Variants in AKAP6 observed in about 807,000 individuals in gnomAD.
AKAP6 encodes the protein A-kinase anchor protein 6.
A neutral mutation model predicts 188.5 loss-of-function variants in AKAP6; 58 were observed. That is an observed-to-expected ratio of 0.31 (90% confidence interval 0.25 to 0.38). AKAP6 has a LOEUF of 0.38. Among genes scored for constraint, AKAP6 ranks in the 10% least tolerant of loss-of-function variants. The pLI, the probability that AKAP6 is intolerant of heterozygous loss-of-function variation, is 1.00. For missense variants in AKAP6, 2,710 were observed against 2,740.0 expected, an observed-to-expected ratio of 0.99 and a Z score of 0.24; for synonymous variants, 989 against 998.6, an observed-to-expected ratio of 0.99 and a Z score of 0.18.
intron 2 of AKAP6, among the ~76,000 whole-genome samples, chr14:32,516,130 A>G (rs1282884899): frequency 2.6e-5 from 4 of 152,182 alleles, no homozygotes; most frequent in Admixed American, 6.5e-5. Context: ...TTGGTATATC[A>G]TTGATGACTA....
intron 12 of AKAP6, among the ~76,000 whole-genome samples, chr14:32,789,810 C>T (rs1169121390): frequency 1.3e-5 from 2 of 152,170 alleles, no homozygotes; most frequent in African/African-American, 4.8e-5. Context: ...GCCAGAGTGC[C>T]TCTTCTCCAT....
intron 2 of AKAP6, among the ~76,000 whole-genome samples, chr14:32,467,008 A>G (rs1407262329): frequency 2.0e-5 from 3 of 151,262 alleles, no homozygotes; most frequent in African/African-American, 7.3e-5. Context: ...AAGAGTATAC[A>G]TGGACACAGA....
chr14:32,644,137 T>C (rs1393412198), intron 7 of AKAP6, among the ~76,000 whole-genome samples: 1 of 152,160 alleles, frequency 6.6e-6, no homozygotes, highest in Admixed American at 6.5e-5. Context: ...TGATGTTAAA[T>C]GGTCTGATTT....
intron 8 of AKAP6, among the ~76,000 whole-genome samples, chr14:32,685,242 AGACAGACT>A (rs2139661172): frequency 6.6e-6 from 1 of 152,084 alleles, no homozygotes; most frequent in East Asian, 1.9e-4. Context: ...CCAACCTGGG[AGACAGACT>A]GAAACCATGT....
intron 7 of AKAP6, among the ~76,000 whole-genome samples, chr14:32,656,875 A>G (rs949705012): frequency 2.0e-5 from 3 of 152,156 alleles, no homozygotes; most frequent in Admixed American, 6.5e-5. Flanking sequence ...CCTGGCTGTA[A>G]ATATGCTTCT....
At chr14:32,389,493 G>A (rs1003444540) in intron 1 of AKAP6, among the ~76,000 whole-genome samples, 3 of 151,870 alleles carry the variant, frequency 2.0e-5, no homozygotes, top group African/African-American at 7.3e-5. Context: ...TCCAGGATTT[G>A]TTTCAAGATT....
rs142564883 is a variant in AKAP6, at chr14:32,482,668, T to C, written c.324+48851T>C. ...GCACAGAAAATATGTTCAAGTAATA[T>C]TTATGAGTGAATGAGTTATCTTGTT... On this transcript the variant is annotated intron_variant, in intron 2 of 13. Coordinates refer to ENST00000280979, the MANE Select transcript of AKAP6 (RefSeq NM_004274.5). 3.5e-3 allele frequency among the ~76,000 whole-genome samples: 539 copies of C among 152,332 alleles called. 2 individuals carry two copies. The highest frequency in any genetic ancestry group is 4.7e-3 in the Non-Finnish European group (318 of 68,026).
At position 32,731,502 on chromosome 14, in the gene AKAP6, A is replaced by G. The variant is rs193071228; in HGVS notation, c.3001-952A>G. ...TAGGGCAAAAGAACAAAATACTACC[A>G]TGGAACTCAGTGACCTAAATTTGGT... On this transcript the variant is annotated intron_variant, in intron 9 of 13. Coordinates refer to ENST00000280979, the MANE Select transcript of AKAP6 (RefSeq NM_004274.5). Among the ~76,000 whole-genome samples, 15 of 152,218 alleles carry G rather than the reference A, an allele frequency of 9.9e-5. No homozygotes were observed. The East Asian group carries it at 2.5e-3, about 25-fold the overall frequency.
intron 13 of AKAP6, among the ~76,000 whole-genome samples, chr14:32,827,513 C>T (rs2034704335): frequency 1.3e-5 from 2 of 152,200 alleles, no homozygotes; most frequent in South Asian, 4.1e-4. Context: ...TAAAAACCCA[C>T]TGAAACTGCT....
At chr14:32,467,931 C>T (rs1381671809) in intron 2 of AKAP6, among the ~76,000 whole-genome samples, 1 of 151,992 alleles carries the variant, frequency 6.6e-6, no homozygotes, top group Non-Finnish European at 1.5e-5. Context: ...TCATCCCCTT[C>T]TTCTATATTC....
chr14:32,471,561 T>C (rs540002256), intron 2 of AKAP6, among the ~76,000 whole-genome samples: 2 of 152,314 alleles, frequency 1.3e-5, no homozygotes, highest in East Asian at 3.9e-4. Context: ...TCATAGGCCA[T>C]TGTCTTTTCT....
Position 32,821,628 on chromosome 14 carries a change from A to G in AKAP6, c.3815A>G (p.Gln1272Arg), listed in dbSNP as rs2034521801. 1.9e-6 allele frequency: 3 copies of G among 1,613,742 alleles called. No homozygotes were observed. Among genetic ancestry groups the G allele is most frequent in the Non-Finnish European group, 2.5e-6 (3 of 1,179,892 alleles). ...GAGGCTGATAACCATGGGGGATCTCAGTATGCCTCAAATATTACTGCCCCC... is the reference window on the plus strand; with the variant it reads ...GAGGCTGATAACCATGGGGGATCTCGGTATGCCTCAAATATTACTGCCCCC... ...DEEADNHGGS[Q>R]YASNITAPSS... Residue 1272 changes from glutamine to arginine, a missense_variant, in exon 13 of 14, where the codon CAG (glutamine) becomes CGG (arginine). This residue lies in a region of AKAP6 where 2,473 missense variants were observed against 2,426.1 expected (regional missense o/e 1.02). Transcript: ENST00000280979.
chr14:32,448,121 C>T (rs1025588545), intron 2 of AKAP6, among the ~76,000 whole-genome samples: 11 of 152,184 alleles, frequency 7.2e-5, no homozygotes, highest in African/African-American at 2.7e-4. Flanking sequence ...TCTTTGTTCT[C>T]AATTGCCTGG....
chr14:32,626,933 A>G (rs1252920630), intron 7 of AKAP6, among the ~76,000 whole-genome samples: 1 of 152,166 alleles, frequency 6.6e-6, no homozygotes, highest in Non-Finnish European at 1.5e-5. Flanking sequence ...CAAATGGATG[A>G]ACAATATTTC....
chr14:32,527,189 C>T (rs142512038), intron 2 of AKAP6, among the ~76,000 whole-genome samples: 265 of 152,250 alleles, frequency 1.7e-3, no homozygotes, highest in Middle Eastern at 6.8e-3. Flanking sequence ...TGGAATAGTA[C>T]GGTTTGTAGC....
chr14:32,827,793 T>C (rs1225800462), intron 13 of AKAP6, among the ~76,000 whole-genome samples: 2 of 152,228 alleles, frequency 1.3e-5, no homozygotes, highest in Non-Finnish European at 1.5e-5. Context: ...CTGACAGTTA[T>C]TTCTTCATAA....
At chr14:32,477,155 T>C (rs978205322) in intron 2 of AKAP6, among the ~76,000 whole-genome samples, 6 of 152,218 alleles carry the variant, frequency 3.9e-5, no homozygotes, top group East Asian at 1.9e-4. Context: ...ATCTGAGGTC[T>C]ACATGCCAGT....
intron 7 of AKAP6, among the ~76,000 whole-genome samples, chr14:32,610,797 T>C (rs967734190): frequency 6.6e-6 from 1 of 152,216 alleles, no homozygotes; most frequent in Admixed American, 6.5e-5. Context: ...ATAGTTTGGC[T>C]TCTTGAGCAT....
rs1232432822 is a variant in AKAP6, at chr14:32,546,051, C to T, written c.1398C>T (p.Asn466=). The part of the protein sequence containing the change: ...YECLHKVGNG[N]LENTVKFHIK... ...GTTTACACAAGGTGGGGAATGGGAACCTTGAAAACACAGTCAAATTTCACA... is the reference window on the plus strand; with the variant it reads ...GTTTACACAAGGTGGGGAATGGGAATCTTGAAAACACAGTCAAATTTCACA... Residue 466 remains asparagine (N), a synonymous_variant, in exon 4 of 14, where the codon AAC becomes AAT. Coordinates refer to ENST00000280979, the MANE Select transcript of AKAP6 (RefSeq NM_004274.5). 3 of 1,614,130 alleles carry T rather than the reference C, an allele frequency of 1.9e-6. No individual in the cohort carries two copies. In the South Asian group the frequency reaches 3.3e-5, roughly 18 times the overall value.
Sources: gnomAD v4.1 joint callset for allele counts (sites outside exome capture counted in the v4.1 genomes callset) on GRCh38, gnomAD v4.1.1 for gene constraint, gnomAD v4.1.1 regional missense constraint, MANE v1.5 for transcripts, NCBI Gene and HGNC (gene_info 2026-07-23, HGNC 2026-07-21) for gene names.